TFCP2L1: variants seen among roughly 807,000 people sequenced by gnomAD.
The protein encoded by TFCP2L1 is transcription factor CP2-like protein 1.
Under a neutral mutation model 72.2 loss-of-function variants are expected in TFCP2L1, and 12 were observed. That is an observed-to-expected ratio of 0.17 (90% confidence interval 0.11 to 0.27). The LOEUF (loss-of-function observed/expected upper bound fraction) is 0.27. Among genes scored for constraint, TFCP2L1 ranks in the 10% least tolerant of loss-of-function variants. The pLI is 1.00. For synonymous variants in TFCP2L1, 260 were observed against 251.0 expected, an observed-to-expected ratio of 1.04 and a Z score of -0.34; for missense variants, 488 against 624.6, an observed-to-expected ratio of 0.78 and a Z score of 2.33.
intron 13 of TFCP2L1, among the ~76,000 whole-genome samples, chr2:121,228,114 G>T (rs1280370439): frequency 6.6e-6 from 1 of 152,240 alleles, no homozygotes; most frequent in South Asian, 2.1e-4. Context: ...TAGATTCGGG[G>T]TTAAGAGGCA....
At chr2:121,251,681 C>T (rs1353022575) in intron 2 of TFCP2L1, among the ~76,000 whole-genome samples, 1 of 152,176 alleles carries the variant, frequency 6.6e-6, no homozygotes, top group Non-Finnish European at 1.5e-5. Flanking sequence ...ATTTCAAGTG[C>T]TCCCTCTACA....
rs142875753 is a variant in TFCP2L1, at chr2:121,245,904, A to G, written c.657+914T>C. Reference sequence around the variant, plus strand: ...CCCAGCTTTCTAAAGGGCCCTGTCTAAAGCAACTCCCTCTTGGGTCTCCAG... The same window carrying G: ...CCCAGCTTTCTAAAGGGCCCTGTCTGAAGCAACTCCCTCTTGGGTCTCCAG... On this transcript the variant is annotated intron_variant, in intron 6 of 14. Coordinates refer to ENST00000263707, the MANE Select transcript of TFCP2L1 (RefSeq NM_014553.3). Among the ~76,000 whole-genome samples the G allele has an allele frequency of 6.1e-3, 936 of 152,294 alleles. 6 individuals carry two copies. Among genetic ancestry groups the G allele is most frequent in the Non-Finnish European group, 7.7e-3 (523 of 68,022 alleles).
At chr2:121,230,022 C>T (rs1273647897) in intron 13 of TFCP2L1, among the ~76,000 whole-genome samples, 1 of 152,164 alleles carries the variant, frequency 6.6e-6, no homozygotes, top group Admixed American at 6.5e-5. Context: ...CACTCCTTTG[C>T]TAGTCCAGGG....
At chr2:121,233,373 G>A (rs1033141595) in intron 12 of TFCP2L1, among the ~76,000 whole-genome samples, 1 of 152,144 alleles carries the variant, frequency 6.6e-6, no homozygotes, top group African/African-American at 2.4e-5. Flanking sequence ...GTTTTCTTTA[G>A]TAGAGATGGG....
chr2:121,249,126 G>A, intron 3 of TFCP2L1, 39 bp from the exon 4 acceptor site: 2 of 1,436,438 alleles, frequency 1.4e-6, no homozygotes, highest in Non-Finnish European at 1.9e-6. Context: ...GTGACCGCGG[G>A]GGGCCAAGAG....
At chr2:121,275,568 C>CTTTTTTT (rs931104631) in intron 2 of TFCP2L1, among the ~76,000 whole-genome samples, 2 of 121,744 alleles carry the variant, frequency 1.6e-5, no homozygotes, top group African/African-American at 3.0e-5. Flanking sequence ...AGAAGTAAGT[C>CTTTTTTT]TTTTTTTTTT....
In TFCP2L1 at chr2:121,223,091, A is replaced by T. The variant is rs1395592408; in HGVS notation, c.*1250T>A. The T allele has an allele frequency of 2.0e-5, 3 of 152,290 alleles. No individual in the cohort carries two copies. The East Asian group carries it at 5.8e-4, about 29-fold the overall frequency. The allele number at this position is 152,290 out of a possible 1,614,324, so 9.4% of individuals were successfully genotyped here. On this transcript the variant is annotated 3_prime_UTR_variant, in exon 15 of 15. Coordinates refer to ENST00000263707, the MANE Select transcript of TFCP2L1 (RefSeq NM_014553.3). ...TATTCTGGTAGTCCTTCAGTCTAGC[A>T]CTTCATTCCACAGAAGCTCCATTTA...
rs1396730968 is a variant in TFCP2L1 at position 121,281,357 on chromosome 2, G to C, written c.63-86C>G. Reference sequence around the variant, plus strand: ...AGGGCGAAGCTAGAGAGACGACGCAGACCACCGGGGCCCAGGGTGACACGG... The same window carrying C: ...AGGGCGAAGCTAGAGAGACGACGCACACCACCGGGGCCCAGGGTGACACGG... On this transcript the variant is annotated intron_variant, in intron 1 of 14. Coordinates refer to ENST00000263707, the MANE Select transcript of TFCP2L1 (RefSeq NM_014553.3). 2.7e-6 allele frequency: 4 copies of C among 1,463,624 alleles called. No homozygotes were observed. The African/African-American group carries it at 5.7e-5, about 21-fold the overall frequency. The allele number at this position is 1,463,624 out of a possible 1,614,324, so 90.7% of individuals were successfully genotyped here.
At chr2:121,229,969 C>G (rs1417646220) in intron 13 of TFCP2L1, among the ~76,000 whole-genome samples, 1 of 152,104 alleles carries the variant, frequency 6.6e-6, no homozygotes, top group Non-Finnish European at 1.5e-5. Flanking sequence ...TGGGAAGAAA[C>G]AAATCGGAGT....
At chr2:121,268,666 A>T (rs1686982361) in intron 2 of TFCP2L1, among the ~76,000 whole-genome samples, 1 of 151,934 alleles carries the variant, frequency 6.6e-6, no homozygotes, top group Non-Finnish European at 1.5e-5. Flanking sequence ...TCAGGGGAGA[A>T]GAGAAGAACC....
intron 2 of TFCP2L1, among the ~76,000 whole-genome samples, chr2:121,259,865 T>C (rs1261251772): frequency 5.3e-5 from 8 of 152,192 alleles, no homozygotes. Flanking sequence ...AGGGATATAT[T>C]GCATCTGAAT....
Position 121,219,670 on chromosome 2 carries a change from T to C in TFCP2L1, c.*4671A>G, listed in dbSNP as rs1027536925. On this transcript the variant is annotated 3_prime_UTR_variant, in exon 15 of 15. Coordinates refer to ENST00000263707, the MANE Select transcript of TFCP2L1 (RefSeq NM_014553.3). ...CAAAAAGACAGAGATGGAGTCTCAC[T>C]ACGATGCCCAGGCTGGTCTCGAACT... The C allele has an allele frequency of 2.0e-5, 3 of 152,250 alleles. No homozygotes were observed. Among genetic ancestry groups the C allele is most frequent in the Admixed American group, 1.3e-4 (2 of 15,290 alleles). The allele number at this position is 152,250 out of a possible 1,614,324, so 9.4% of individuals were successfully genotyped here.
At chr2:121,234,056 A>T in intron 12 of TFCP2L1, 35 bp downstream of exon 12, 2 of 1,572,708 alleles carry the variant, frequency 1.3e-6, no homozygotes, top group Non-Finnish European at 1.7e-6. Context: ...GCGGGACCCA[A>T]TGTGTGGGTC....
At chr2:121,233,767 G>C (rs1686190664) in intron 12 of TFCP2L1, among the ~76,000 whole-genome samples, 1 of 152,226 alleles carries the variant, frequency 6.6e-6, no homozygotes, top group Non-Finnish European at 1.5e-5. Context: ...GGAGCAGTTT[G>C]AGGAAACAAA....
rs6745722 is a variant in TFCP2L1, at chr2:121,238,579, C to T, written c.861-729G>A. ...CTCCATAATGGGAAAAAGAGACCCT[C>T]GCAGGGCTGATCCCCAGACCGGTCA... On this transcript the variant is annotated intron_variant, in intron 8 of 14. Transcript: ENST00000263707. Among the ~76,000 whole-genome samples, 1,092 of 152,192 alleles carry T rather than the reference C, an allele frequency of 7.2e-3. 17 individuals carry two copies. The highest frequency in any genetic ancestry group is 0.025 in the African/African-American group (1,042 of 41,516).
chr2:121,284,998 CG>C (rs1459187417), intron 1 of TFCP2L1, 49 bp downstream of exon 1: 1 of 1,424,876 alleles, frequency 7.0e-7, no homozygotes, highest in Non-Finnish European at 9.2e-7. Context: ...CAACGGCGCC[CG>C]GCCCGCCGGC....
At chr2:121,240,246 G>A in intron 7 of TFCP2L1, 1 of 985,392 alleles carries the variant, frequency 1.0e-6, no homozygotes, top group South Asian at 4.7e-5. Flanking sequence ...AAACATGAAA[G>A]ATGTGATCCT....
At chr2:121,270,520 G>A (rs1178411103) in intron 2 of TFCP2L1, among the ~76,000 whole-genome samples, 1 of 152,138 alleles carries the variant, frequency 6.6e-6, no homozygotes, top group Non-Finnish European at 1.5e-5. Context: ...ATACATAGAT[G>A]TTCACGGATT....
At position 121,235,244 on chromosome 2, in the gene TFCP2L1, C is replaced by T. The variant is rs759897281; in HGVS notation, c.1071G>A (p.Arg357=). The change falls in exon 11 of 15, where the codon CGG becomes CGA. Residue 357 remains arginine, a synonymous_variant. Coordinates refer to ENST00000263707, the MANE Select transcript of TFCP2L1 (RefSeq NM_014553.3). ...ACCGGCCTTTGATGGCGTTGAAGAGCCGGATCCCATCTGCGGGACCACAGA... is the reference window on the plus strand; with the variant it reads ...ACCGGCCTTTGATGGCGTTGAAGAGTCGGATCCCATCTGCGGGACCACAGA... ...VQICGPADGI[R]LFNAIKGRNV... 3.2e-5 allele frequency: 51 copies of T among 1,614,046 alleles called. No individual in the cohort carries two copies. The South Asian group carries it at 5.3e-4, about 17-fold the overall frequency.
Sources: allele counts gnomAD v4.1 joint callset (sites outside exome capture counted in the v4.1 genomes callset), GRCh38; gene constraint gnomAD v4.1.1; transcripts MANE v1.5; gene names NCBI Gene and HGNC (gene_info 2026-07-23, HGNC 2026-07-21).